CLOCK: variants seen among roughly 807,000 people sequenced by gnomAD.
CLOCK encodes clock circadian regulator, also known as circadian locomoter output cycles protein kaput.
CLOCK carries 43 observed loss-of-function variants against 118.4 expected under a neutral mutation model. That is an observed-to-expected ratio of 0.36 (90% CI 0.28 to 0.47). The LOEUF is 0.47. Among genes scored for constraint, CLOCK ranks in the 20% least tolerant of loss-of-function variants. The pLI, the probability that CLOCK is intolerant of heterozygous loss-of-function variation, is 1.00. For missense variants in CLOCK, 846 were observed against 999.9 expected (o/e 0.85, Z 2.08); for synonymous variants, 326 against 339.2 (o/e 0.96, Z 0.43).
At chr4:55,538,439 A>T (rs1731046437) in intron 1 of CLOCK, among the ~76,000 whole-genome samples, 1 of 152,268 alleles carries the variant, frequency 6.6e-6, no homozygotes, top group African/African-American at 2.4e-5. Flanking sequence ...ACTCAAAACC[A>T]CAATGTAAAA....
At chr4:55,445,582 C>CT (rs56157186) in intron 18 of CLOCK, among the ~76,000 whole-genome samples, 992 of 68,572 alleles carry the variant, frequency 0.014, 190 homozygotes, top group African/African-American at 0.042. Context: ...TTTCTATATT[C>CT]TTTTTTTTTT....
intron 8 of CLOCK, among the ~76,000 whole-genome samples, chr4:55,464,645 G>A (rs1281383942): frequency 6.6e-6 from 1 of 152,142 alleles, no homozygotes; most frequent in Non-Finnish European, 1.5e-5. Context: ...CCAGGGTCCT[G>A]CCCCTGCATT....
rs1320014566 is a variant in CLOCK, at chr4:55,459,195, G to A, written c.626C>T (p.Thr209Ile). 3 of 1,611,390 alleles carry A rather than the reference G, an allele frequency of 1.9e-6. No individual in the cohort carries two copies. Among genetic ancestry groups the A allele is most frequent in the African/African-American group, 1.3e-5 (1 of 74,980 alleles). ...TCCTATAAATTTTACATATTCATAGGTAGATGGCTCCTTTGGGTCTATTGT... is the reference window on the plus strand; with the variant it reads ...TCCTATAAATTTTACATATTCATAGATAGATGGCTCCTTTGGGTCTATTGT... ...RGTIDPKEPS[T>I]YEYVKFIGNF... The change falls in exon 10 of 23, where the codon ACC becomes ATC. Residue 209 changes from threonine (T) to isoleucine (I), a missense_variant. Around this residue, in one of 4 missense-constraint regions of CLOCK, gnomAD observed 246 missense variants for 300.2 expected, o/e 0.82. Transcript: ENST00000513440.
chr4:55,501,422 G>A (rs554615854), intron 2 of CLOCK, among the ~76,000 whole-genome samples: 1 of 151,658 alleles, frequency 6.6e-6, no homozygotes, highest in African/African-American at 2.4e-5. Flanking sequence ...TAAAATTTCT[G>A]TCTTTTTTTT....
chr4:55,485,359 C>T (rs1056729664), intron 3 of CLOCK, among the ~76,000 whole-genome samples: 2 of 152,178 alleles, frequency 1.3e-5, no homozygotes, highest in African/African-American at 4.8e-5. Context: ...GTAAAATAGG[C>T]TGGACATGCA....
chr4:55,431,485 TAA>T lies in CLOCK; in HGVS notation c.*3928_*3929del, dbSNP rs1472850349. On this transcript the variant is annotated 3_prime_UTR_variant, in exon 23 of 23. Coordinates refer to ENST00000513440, the MANE Select transcript of CLOCK (RefSeq NM_004898.4). ...AAAAGGTTCTCTTTCTCCAAACACT[TAA>T]AATGGCAAGTGCCTTTGTGCTGTTT... 6.6e-6 allele frequency: 1 copy of T among 152,210 alleles called. No homozygotes were observed. Among genetic ancestry groups the T allele is most frequent in the Non-Finnish European group, 1.5e-5 (1 of 68,028 alleles). The allele number at this position is 152,210 out of a possible 1,614,324, so 9.4% of individuals were successfully genotyped here.
chr4:55,470,248 T>G (rs974537914), intron 8 of CLOCK, among the ~76,000 whole-genome samples: 4 of 152,190 alleles, frequency 2.6e-5, no homozygotes, highest in African/African-American at 9.7e-5. Flanking sequence ...TATACCATTT[T>G]TTACCTTTGA....
At chr4:55,522,206 G>A (rs892744237) in intron 1 of CLOCK, among the ~76,000 whole-genome samples, 1 of 151,944 alleles carries the variant, frequency 6.6e-6, no homozygotes, top group African/African-American at 2.4e-5. Flanking sequence ...ATCTATAGAG[G>A]AGAAAATAAC....
At chr4:55,501,563 A>G (rs1407589598) in intron 2 of CLOCK, 1 of 152,206 alleles carries the variant, frequency 6.6e-6, no homozygotes. Context: ...GACTACATGC[A>G]TGAGCCACCA....
intron 3 of CLOCK, among the ~76,000 whole-genome samples, chr4:55,487,867 C>T (rs1727399702): frequency 6.6e-6 from 1 of 152,176 alleles, no homozygotes; most frequent in Non-Finnish European, 1.5e-5. Context: ...TTTGCAGTCC[C>T]AAATTTTGTT....
At position 55,438,339 on chromosome 4, in the gene CLOCK, A is replaced by T; in HGVS notation, c.2304T>A (p.Thr768=). Residue 768 remains threonine (T), a synonymous_variant, in exon 22 of 23, where the codon ACT becomes ACA. Coordinates refer to ENST00000513440, the MANE Select transcript of CLOCK (RefSeq NM_004898.4). ...GAGCCTGAGATGGTTGCTGAACTGA[A>T]GTGAGCTGCTGCTCCTGGGAGCTCT... ...QQQSSQEQQL[T]SVQQPSQAQL... 6.2e-7 allele frequency: 1 copy of T among 1,614,050 alleles called. No homozygotes were observed. The highest frequency in any genetic ancestry group is 8.5e-7 in the Non-Finnish European group (1 of 1,180,008).
intron 1 of CLOCK, among the ~76,000 whole-genome samples, chr4:55,542,886 G>A (rs952231148): frequency 6.6e-6 from 1 of 152,064 alleles, no homozygotes; most frequent in Admixed American, 6.5e-5. Flanking sequence ...CAAGTCAAAA[G>A]CCAAAGAAAA....
rs189212694 is a variant in CLOCK at position 55,496,113 on chromosome 4, C to T, written c.-135-6648G>A. The stretch of plus-strand genomic sequence containing the variant: ...CTAAGGCAGGAGAATCGCTTGAACC[C>T]GGGAGGTGGAGGTTGCATTGAGCCA... On this transcript the variant is annotated intron_variant, in intron 2 of 22. Coordinates refer to ENST00000513440, the MANE Select transcript of CLOCK (RefSeq NM_004898.4). 9.2e-5 allele frequency among the ~76,000 whole-genome samples: 14 copies of T among 151,910 alleles called. No homozygotes were observed. The East Asian group carries it at 1.2e-3, about 13-fold the overall frequency.
chr4:55,486,571 G>C (rs1727309682), intron 3 of CLOCK: 1 of 151,686 alleles, frequency 6.6e-6, no homozygotes, highest in African/African-American at 2.4e-5. Flanking sequence ...GACATGACAG[G>C]TAAATTTTTT....
intron 1 of CLOCK, chr4:55,545,494 T>C (rs1439283702): frequency 6.6e-6 from 1 of 152,244 alleles, no homozygotes; most frequent in Non-Finnish European, 1.5e-5. Context: ...AATCAACGAC[T>C]GTAAAAGTTT....
At chr4:55,448,590 G>GCGCA (rs201717317) in intron 18 of CLOCK, among the ~76,000 whole-genome samples, 189 bp downstream of exon 18, 11 of 80,978 alleles carry the variant, frequency 1.4e-4, no homozygotes, top group Admixed American at 1.2e-3. Context: ...ATGTGCGCGC[G>GCGCA]CGCACGCGCG....
chr4:55,470,352 G>A (rs949458278), intron 8 of CLOCK, among the ~76,000 whole-genome samples: 10 of 152,120 alleles, frequency 6.6e-5, no homozygotes, highest in African/African-American at 1.9e-4. Flanking sequence ...TCAGTACAGC[G>A]GCATGCTGTA....
At chr4:55,455,337 C>T (rs1342012630) in intron 13 of CLOCK, among the ~76,000 whole-genome samples, 1 of 152,184 alleles carries the variant, frequency 6.6e-6, no homozygotes, top group East Asian at 1.9e-4. Context: ...ACTGTGTTCT[C>T]AGCTTACTCA....
intron 2 of CLOCK, among the ~76,000 whole-genome samples, chr4:55,503,330 T>C (rs1728558093): frequency 6.6e-6 from 1 of 152,204 alleles, no homozygotes; most frequent in South Asian, 2.1e-4. Context: ...GAACCACTGC[T>C]ACATGCATCA....
Sources: gnomAD v4.1 joint callset for allele counts (sites outside exome capture counted in the v4.1 genomes callset) on GRCh38, gnomAD v4.1.1 for gene constraint, gnomAD v4.1.1 regional missense constraint, MANE v1.5 for transcripts, NCBI Gene and HGNC (gene_info 2026-07-23, HGNC 2026-07-21) for gene names.